Variants in CPNE4 observed in about 807,000 individuals in gnomAD.
The protein encoded by CPNE4 is copine-4.
Under a neutral mutation model 67.9 loss-of-function variants are expected in CPNE4, and 25 were observed. The ratio of observed to expected loss-of-function variants is 0.37; its 90% CI spans 0.27 to 0.51. CPNE4 has a LOEUF of 0.51. Among genes scored for constraint, CPNE4 ranks in the 20% least tolerant of loss-of-function variants. The pLI, the probability that CPNE4 is intolerant of heterozygous loss-of-function variation, is 0.93. For missense variants in CPNE4, 464 were observed against 690.8 expected (o/e 0.67, Z 3.68); for synonymous variants, 242 against 244.9 (o/e 0.99, Z 0.11).
intron 1 of CPNE4, among the ~76,000 whole-genome samples, chr3:131,958,353 C>T (rs923553337): frequency 2.6e-5 from 4 of 152,128 alleles, no homozygotes; most frequent in Non-Finnish European, 5.9e-5. Context: ...CCAATGGTCT[C>T]AGTGTGGTCC....
intron 2 of CPNE4, among the ~76,000 whole-genome samples, chr3:131,892,405 A>C (rs974444671): frequency 2.6e-5 from 4 of 152,130 alleles, no homozygotes; most frequent in Non-Finnish European, 5.9e-5. Flanking sequence ...ATTCATCACC[A>C]GTAGACCAGC....
At chr3:131,671,844 T>C (rs2080426280) in intron 6 of CPNE4, among the ~76,000 whole-genome samples, 1 of 152,194 alleles carries the variant, frequency 6.6e-6, no homozygotes, top group South Asian at 2.1e-4. Context: ...TTTTGGTTAT[T>C]ATAAAATATG....
At chr3:131,966,815 G>A (rs965889564) in intron 1 of CPNE4, among the ~76,000 whole-genome samples, 2 of 152,152 alleles carry the variant, frequency 1.3e-5, no homozygotes, top group African/African-American at 2.4e-5. Flanking sequence ...AGCAGAGCTG[G>A]TACCTTTCCT....
At chr3:131,986,867 C>CAAAAA (rs112652096) in intron 1 of CPNE4, among the ~76,000 whole-genome samples, 10 of 134,654 alleles carry the variant, frequency 7.4e-5, no homozygotes, top group African/African-American at 2.8e-4. Flanking sequence ...AACAAACAAA[C>CAAAAA]AAAAAAAAAA....
At chr3:131,737,621 T>C (rs1294288731) in intron 2 of CPNE4, among the ~76,000 whole-genome samples, 1 of 152,146 alleles carries the variant, frequency 6.6e-6, no homozygotes, top group East Asian at 1.9e-4. Context: ...CTTAAAGAAG[T>C]AGCAAGTCAA....
intron 5 of CPNE4, among the ~76,000 whole-genome samples, chr3:131,686,804 C>T (rs1283232073): frequency 6.6e-6 from 1 of 152,164 alleles, no homozygotes; most frequent in Non-Finnish European, 1.5e-5. Flanking sequence ...TGCTAATTAG[C>T]AAACGCCTTG....
chr3:131,656,862 A>T lies in CPNE4; in HGVS notation c.681+12813T>A, dbSNP rs193220200. Among the ~76,000 whole-genome samples, 17 of 152,346 alleles carry T rather than the reference A, an allele frequency of 1.1e-4. No individual in the cohort carries two copies. The East Asian group carries it at 3.3e-3, about 29-fold the overall frequency. On this transcript the variant is annotated intron_variant, in intron 7 of 15. Coordinates refer to ENST00000429747, the MANE Select transcript of CPNE4 (RefSeq NM_130808.3). ...TTTGAGTTGACACCTGAATGTTAAG[A>T]ACATGCCAGCTATTCAGAGATGGGG...
intron 2 of CPNE4, among the ~76,000 whole-genome samples, chr3:131,901,872 G>A (rs1291893840): frequency 1.4e-5 from 2 of 146,582 alleles, no homozygotes; most frequent in East Asian, 3.9e-4. Flanking sequence ...TCCCTGACTT[G>A]CAAAATTCCT....
At chr3:131,983,021 AT>A (rs1194305424) in intron 1 of CPNE4, among the ~76,000 whole-genome samples, 1 of 152,092 alleles carries the variant, frequency 6.6e-6, no homozygotes, top group African/African-American at 2.4e-5. Flanking sequence ...CATCATTTTT[AT>A]TTTCCAAATT....
At chr3:131,995,567 G>C (rs1369537407) in intron 1 of CPNE4, among the ~76,000 whole-genome samples, 2 of 152,154 alleles carry the variant, frequency 1.3e-5, no homozygotes, top group Admixed American at 6.6e-5. Context: ...ACCATGAAAT[G>C]AGACCACTCT....
At chr3:131,829,056 G>A (rs2085272889) in intron 2 of CPNE4, among the ~76,000 whole-genome samples, 1 of 152,180 alleles carries the variant, frequency 6.6e-6, no homozygotes, top group Non-Finnish European at 1.5e-5. Flanking sequence ...AGCAAGTCAC[G>A]TCTTACATGG....
intron 2 of CPNE4, among the ~76,000 whole-genome samples, chr3:131,724,154 TCTC>T (rs2081952191): frequency 6.6e-6 from 1 of 152,130 alleles, no homozygotes; most frequent in African/African-American, 2.4e-5. Flanking sequence ...TATGTAGGTG[TCTC>T]ATTTTAGCCA....
At chr3:131,726,914 T>A (rs948342076) in intron 2 of CPNE4, among the ~76,000 whole-genome samples, 3 of 152,230 alleles carry the variant, frequency 2.0e-5, no homozygotes, top group African/African-American at 7.2e-5. Context: ...GGTCAAGTTT[T>A]ATTTTAATCT....
At chr3:131,792,768 A>G (rs909482435) in intron 2 of CPNE4, among the ~76,000 whole-genome samples, 151 of 126,638 alleles carry the variant, frequency 1.2e-3, no homozygotes, top group Middle Eastern at 9.0e-3. Context: ...CACACTATAT[A>G]TGTATATGTG....
In CPNE4 at chr3:131,866,479, C is replaced by T. The variant is rs972999376; in HGVS notation, c.180+38785G>A. On this transcript the variant is annotated intron_variant, in intron 2 of 15. Transcript: ENST00000429747. ...AGGCTGACATCTATGGGAAGCCAAA[C>T]TTTTTCAGGAATCCCCTGCTCAGGT... 2.6e-5 allele frequency among the ~76,000 whole-genome samples: 4 copies of T among 152,152 alleles called. No homozygotes were observed. The South Asian group carries it at 8.3e-4, about 32-fold the overall frequency.
chr3:131,669,754 T>C lies in CPNE4; in HGVS notation c.602A>G (p.Asn201Ser). 1 of 1,613,476 alleles carries C rather than the reference T, an allele frequency of 6.2e-7. No homozygotes were observed. Among genetic ancestry groups the C allele is most frequent in the Non-Finnish European group, 8.5e-7 (1 of 1,179,532 alleles). ...TGATTTCCAGGCTGGGCTTAAGTTATTCATCACAACCTGGGAAAAGAAAGA... is the reference window on the plus strand; with the variant it reads ...TGATTTCCAGGCTGGGCTTAAGTTACTCATCACAACCTGGGAAAAGAAAGA... ...QLVHRTEVVMNNLSPAWKSFK... is the reference protein window; with the variant it reads ...QLVHRTEVVMSNLSPAWKSFK... The change falls in exon 7 of 16, where the codon AAT becomes AGT. Residue 201 changes from asparagine (N) to serine (S), a missense_variant. Physicochemically the swap from Asn to Ser is conservative, Grantham distance 46 (BLOSUM62 1). Around this residue, in one of 6 missense-constraint regions of CPNE4, gnomAD observed 58 missense variants for 63.5 expected, o/e 0.91. Coordinates refer to ENST00000429747, the MANE Select transcript of CPNE4 (RefSeq NM_130808.3).
intron 1 of CPNE4, among the ~76,000 whole-genome samples, chr3:131,997,997 G>A (rs1045032481): frequency 6.6e-6 from 1 of 152,034 alleles, no homozygotes; most frequent in Non-Finnish European, 1.5e-5. Flanking sequence ...CTCTTCTTAG[G>A]CCCCACCTCC....
intron 1 of CPNE4, among the ~76,000 whole-genome samples, chr3:131,953,251 A>T (rs375195875): frequency 1.1e-4 from 16 of 140,856 alleles, no homozygotes; most frequent in African/African-American, 2.5e-4. Flanking sequence ...AAAAAAAAAA[A>T]AAAAAAAAAA....
chr3:131,699,865 G>T, intron 4 of CPNE4, 44 bp downstream of exon 4: 1 of 1,563,732 alleles, frequency 6.4e-7, no homozygotes, highest in Non-Finnish European at 8.8e-7. Context: ...GTCCGCCCAG[G>T]CTCTCCACTC....
Sources: allele counts gnomAD v4.1 joint callset (sites outside exome capture counted in the v4.1 genomes callset), GRCh38; gene constraint gnomAD v4.1.1; regional missense constraint gnomAD v4.1.1; transcripts MANE v1.5; gene names NCBI Gene and HGNC (gene_info 2026-07-23, HGNC 2026-07-21).